Variants in BMP5 observed in about 807,000 individuals in gnomAD.
BMP5 encodes the protein bone morphogenetic protein 5.
BMP5 carries 23 observed loss-of-function variants against 46.6 expected under a neutral mutation model. That is an observed-to-expected ratio of 0.49 (90% confidence interval 0.35 to 0.70). The LOEUF is 0.70. Ranked by LOEUF, BMP5 falls within the 30% of genes least tolerant of loss-of-function variation. The probability of loss-of-function intolerance (pLI) is 0.00; values close to 1 mark genes in which losing one functional copy is unlikely to be tolerated. For missense variants in BMP5, 545 were observed against 565.6 expected (o/e 0.96, Z 0.37); for synonymous variants, 204 against 191.9 (o/e 1.06, Z -0.52).
At chr6:55,781,198 T>C (rs1336918002) in intron 3 of BMP5, among the ~76,000 whole-genome samples, 2 of 152,150 alleles carry the variant, frequency 1.3e-5, no homozygotes, top group African/African-American at 2.4e-5. Flanking sequence ...ATAGCCCTCA[T>C]TTATTTTAAG....
chr6:55,851,242 T>C (rs965672740), intron 1 of BMP5, among the ~76,000 whole-genome samples: 2 of 152,122 alleles, frequency 1.3e-5, no homozygotes, highest in East Asian at 1.9e-4. Flanking sequence ...GACAGGTCTC[T>C]GTGCTATTTT....
chr6:55,842,644 A>T (rs1356565877), intron 1 of BMP5, among the ~76,000 whole-genome samples: 1 of 152,108 alleles, frequency 6.6e-6, no homozygotes, highest in Non-Finnish European at 1.5e-5. Flanking sequence ...CCCCTCAAAA[A>T]AAAAATGCCC....
At chr6:55,758,418 A>G (rs1774669877) in intron 6 of BMP5, among the ~76,000 whole-genome samples, 2 of 151,922 alleles carry the variant, frequency 1.3e-5, no homozygotes, top group African/African-American at 4.8e-5. Flanking sequence ...TTGTTCATAA[A>G]AATAAGCCTA....
At chr6:55,853,714 T>C (rs112826322) in intron 1 of BMP5, among the ~76,000 whole-genome samples, 1 of 152,190 alleles carries the variant, frequency 6.6e-6, no homozygotes, top group East Asian at 1.9e-4. Flanking sequence ...TTATTTATCC[T>C]TTAATAAACA....
At chr6:55,782,847 C>A (rs1305826417) in intron 3 of BMP5, among the ~76,000 whole-genome samples, 1 of 152,088 alleles carries the variant, frequency 6.6e-6, no homozygotes, top group Non-Finnish European at 1.5e-5. Context: ...CTCCTCACAG[C>A]AAAGCAACTG....
chr6:55,779,244 G>A (rs1282498105), intron 3 of BMP5, among the ~76,000 whole-genome samples: 1 of 151,982 alleles, frequency 6.6e-6, no homozygotes, highest in African/African-American at 2.4e-5. Flanking sequence ...ATCACTTTGA[G>A]ATGTTAGCAT....
rs1775117761 is a variant in BMP5, at chr6:55,774,246, A to G, written c.833-3T>C. 5.0e-6 allele frequency: 8 copies of G among 1,612,274 alleles called. No homozygotes were observed. Among genetic ancestry groups the G allele is most frequent in the Admixed American group, 1.7e-5 (1 of 59,848 alleles). ...AGATTTTACGTTGATACTGCGTCCT[A>G]GAACGTAATACAAAAGCACTTGGTT... is the stretch of plus-strand genomic sequence containing the variant. On this transcript the variant is annotated splice_polypyrimidine_tract_variant and splice_region_variant and intron_variant, in intron 3 of 6. Transcript: ENST00000370830.
intron 1 of BMP5, among the ~76,000 whole-genome samples, chr6:55,848,016 T>TA (rs1180676970): frequency 2.6e-5 from 4 of 152,000 alleles, no homozygotes; most frequent in Non-Finnish European, 5.9e-5. Flanking sequence ...GCCATTATTT[T>TA]AAAAACAACT....
chr6:55,777,440 T>G (rs774399294), intron 3 of BMP5, among the ~76,000 whole-genome samples: 1 of 152,040 alleles, frequency 6.6e-6, no homozygotes, highest in Non-Finnish European at 1.5e-5. Flanking sequence ...GATTTAATTT[T>G]CAAAGCTGAT....
chr6:55,758,015 G>T (rs1431895370), intron 6 of BMP5, among the ~76,000 whole-genome samples: 1 of 151,836 alleles, frequency 6.6e-6, no homozygotes, highest in Non-Finnish European at 1.5e-5. Flanking sequence ...CAAACTTATG[G>T]AGAGTCGAAT....
intron 2 of BMP5, among the ~76,000 whole-genome samples, chr6:55,810,487 A>C (rs1776102449): frequency 6.6e-6 from 1 of 152,190 alleles, no homozygotes; most frequent in Non-Finnish European, 1.5e-5. Flanking sequence ...AAATTTAAAC[A>C]TGTGCTACCA....
chr6:55,874,321 A>G (rs1429880899), intron 1 of BMP5, 55 bp downstream of exon 1: 2 of 1,608,882 alleles, frequency 1.2e-6, no homozygotes, highest in African/African-American at 1.3e-5. Context: ...CTTTACCATT[A>G]GGGAAAACTT....
chr6:55,802,384 A>G (rs1470424153), intron 2 of BMP5, among the ~76,000 whole-genome samples: 1 of 152,200 alleles, frequency 6.6e-6, no homozygotes, highest in East Asian at 1.9e-4. Context: ...CTACCACAAT[A>G]TGAGTAATGA....
At position 55,794,408 on chromosome 6, in the gene BMP5, A is replaced by G; in HGVS notation, c.703T>C (p.Leu235=). Residue 235 remains leucine, a synonymous_variant, in exon 3 of 7, where the codon TTA becomes CTA. Coordinates refer to ENST00000370830, the MANE Select transcript of BMP5 (RefSeq NM_021073.4). ...AAAGCTTGGGCCTTTCTTGTGTCTA[A>G]CAAGAACAGATCTGCATCCCTAAAA... ...YTNRDADLFL[L]DTRKAQALDV... 1 of 1,613,982 alleles carries G rather than the reference A, an allele frequency of 6.2e-7. No individual in the cohort carries two copies. Among genetic ancestry groups the G allele is most frequent in the Non-Finnish European group, 8.5e-7 (1 of 1,179,884 alleles).
At chr6:55,816,658 A>C (rs1302710295) in intron 2 of BMP5, among the ~76,000 whole-genome samples, 1 of 152,186 alleles carries the variant, frequency 6.6e-6, no homozygotes, top group Non-Finnish European at 1.5e-5. Context: ...GCTGTTAAAA[A>C]TAACAATGCA....
In BMP5 at chr6:55,782,337, C is replaced by T. The variant is rs16887162; in HGVS notation, c.833-8094G>A. ...GGCTTATTTTCTTCACATATGAAGG[C>T]TGATCATAAAGCATTCTTCTGAGTA... On this transcript the variant is annotated intron_variant, in intron 3 of 6. Transcript: ENST00000370830. 6.6e-3 allele frequency among the ~76,000 whole-genome samples: 1,012 copies of T among 152,260 alleles called. 12 individuals are homozygous for T. The highest frequency in any genetic ancestry group is 0.023 in the African/African-American group (945 of 41,562).
chr6:55,823,707 G>A lies in BMP5; in HGVS notation c.491-3860C>T, dbSNP rs115127920. On this transcript the variant is annotated intron_variant, in intron 1 of 6. Transcript: ENST00000370830. ...AAGTTGACCTTGTTTCAGTGCTTTC[G>A]TTATCCTCTCTCCAAAGAACCCTTC... 8.5e-3 allele frequency among the ~76,000 whole-genome samples: 1,284 copies of A among 151,790 alleles called. 17 individuals carry two copies. The highest frequency in any genetic ancestry group is 0.029 in the African/African-American group (1,200 of 41,424).
chr6:55,844,241 G>A (rs1409606861), intron 1 of BMP5, among the ~76,000 whole-genome samples: 1 of 151,980 alleles, frequency 6.6e-6, no homozygotes, highest in Non-Finnish European at 1.5e-5. Flanking sequence ...CTGGTCCACT[G>A]ATGATTTATC....
intron 1 of BMP5, among the ~76,000 whole-genome samples, chr6:55,870,687 A>G (rs1441189305): frequency 6.6e-6 from 1 of 152,154 alleles, no homozygotes; most frequent in Non-Finnish European, 1.5e-5. Flanking sequence ...ATTATCAATG[A>G]TGTCTTTCAA....
Sources: gnomAD v4.1 joint callset for allele counts (sites outside exome capture counted in the v4.1 genomes callset) on GRCh38, gnomAD v4.1.1 for gene constraint, MANE v1.5 for transcripts, NCBI Gene and HGNC (gene_info 2026-07-23, HGNC 2026-07-21) for gene names.